Variants in ZFYVE28 observed in about 807,000 individuals in gnomAD.
The protein encoded by ZFYVE28 is zinc finger FYVE-type containing 28.
ZFYVE28 carries 40 observed loss-of-function variants against 82.1 expected under a neutral mutation model. The ratio of observed to expected loss-of-function variants is 0.49; its 90% CI spans 0.38 to 0.63. The LOEUF (loss-of-function observed/expected upper bound fraction) is 0.63, where lower values mean the gene tolerates loss of function less well. Ranked by LOEUF, ZFYVE28 falls within the 30% of genes least tolerant of loss-of-function variation. The probability of loss-of-function intolerance (pLI) is 0.00; values close to 1 mark genes in which losing one functional copy is unlikely to be tolerated. For synonymous variants in ZFYVE28, 612 were observed against 546.1 expected, an observed-to-expected ratio of 1.12 and a Z score of -1.68; for missense variants, 1,321 against 1,242.1, an observed-to-expected ratio of 1.06 and a Z score of -0.96.
intron 8 of ZFYVE28, among the ~76,000 whole-genome samples, chr4:2,276,134 G>T (rs952398582): frequency 3.8e-4 from 58 of 152,216 alleles, no homozygotes; most frequent in Middle Eastern, 6.8e-3. Flanking sequence ...AGGGCAGCGG[G>T]CTGCGGCAGA....
At chr4:2,366,631 A>G (rs148897566) in intron 1 of ZFYVE28, among the ~76,000 whole-genome samples, 6 of 152,254 alleles carry the variant, frequency 3.9e-5, no homozygotes, top group Admixed American at 1.3e-4. Flanking sequence ...CTCCAATGGC[A>G]GAGGGTAGAG....
At chr4:2,326,884 C>T (rs984961350) in intron 6 of ZFYVE28, among the ~76,000 whole-genome samples, 1 of 151,904 alleles carries the variant, frequency 6.6e-6, no homozygotes, top group African/African-American at 2.4e-5. Context: ...GATTTTGTGT[C>T]CTGGAACTTT....
chr4:2,355,003 C>A (rs1725024747), intron 1 of ZFYVE28, among the ~76,000 whole-genome samples: 1 of 151,054 alleles, frequency 6.6e-6, no homozygotes, highest in Non-Finnish European at 1.5e-5. Flanking sequence ...CGCAGGGGCT[C>A]AGAAGCTGGT....
chr4:2,399,854 T>G (rs891615859), intron 1 of ZFYVE28, among the ~76,000 whole-genome samples: 2 of 152,150 alleles, frequency 1.3e-5, no homozygotes, highest in Non-Finnish European at 2.9e-5. Flanking sequence ...GTGGGCCACA[T>G]GGGGTTGCAT....
intron 1 of ZFYVE28, among the ~76,000 whole-genome samples, chr4:2,360,389 T>TCACACACACACACACACACA (rs10545681): frequency 7.0e-6 from 1 of 143,290 alleles, no homozygotes; most frequent in Non-Finnish European, 1.5e-5. Flanking sequence ...AGAGCTGTAA[T>TCACACACACACACACACACA]CACACACACA....
intron 10 of ZFYVE28, among the ~76,000 whole-genome samples, chr4:2,272,552 G>A (rs1380919389): frequency 6.6e-6 from 1 of 152,242 alleles, no homozygotes; most frequent in East Asian, 1.9e-4. Context: ...GTATGCGTGA[G>A]TACATGTGTG....
intron 6 of ZFYVE28, among the ~76,000 whole-genome samples, chr4:2,328,169 A>C (rs1221375358): frequency 6.6e-6 from 1 of 152,234 alleles, no homozygotes; most frequent in Non-Finnish European, 1.5e-5. Flanking sequence ...AGCGTTTAAC[A>C]GATGAATAAA....
chr4:2,404,092 G>A lies in ZFYVE28; in HGVS notation c.39+14193C>T, dbSNP rs548681215. On this transcript the variant is annotated intron_variant, in intron 1 of 12. Transcript: ENST00000290974. ...TCCCAGCACATTGGGAGGCTGAGAC[G>A]GGCGGATCACGAGGTCAGGAGATCG... Among the ~76,000 whole-genome samples, 14 of 151,992 alleles carry A rather than the reference G, an allele frequency of 9.2e-5. No homozygotes were observed. The East Asian group carries it at 1.9e-3, about 21-fold the overall frequency.
At chr4:2,314,407 A>T (rs956456657) in intron 7 of ZFYVE28, among the ~76,000 whole-genome samples, 3 of 152,102 alleles carry the variant, frequency 2.0e-5, no homozygotes, top group African/African-American at 7.2e-5. Flanking sequence ...GTAATCACTG[A>T]TGTGGTTGGG....
intron 8 of ZFYVE28, among the ~76,000 whole-genome samples, chr4:2,293,960 C>G (rs1372171608): frequency 6.6e-6 from 1 of 151,870 alleles, no homozygotes; most frequent in African/African-American, 2.4e-5. Flanking sequence ...AAATTAAAGG[C>G]CTAAATAAAT....
At position 2,270,357 on chromosome 4, in the gene ZFYVE28, G is replaced by A. The variant is rs1434954373; in HGVS notation, c.*368C>T. 3 of 137,930 alleles carry A rather than the reference G, an allele frequency of 2.2e-5. No individual in the cohort carries two copies. Among genetic ancestry groups the A allele is most frequent in the East Asian group, 1.3e-4 (1 of 7,644 alleles). 8.5% of individuals were successfully genotyped at this position (137,930 alleles called of 1,614,324 possible). On this transcript the variant is annotated 3_prime_UTR_variant, in exon 13 of 13. Transcript: ENST00000290974. The stretch of plus-strand genomic sequence containing the variant: ...CCAGATTCACCGCAACAGCAGAGGC[G>A]CAGAGTGGCCCCACTCTTGTCCACC...
intron 7 of ZFYVE28, among the ~76,000 whole-genome samples, chr4:2,308,387 C>A (rs1716896627): frequency 6.6e-6 from 1 of 151,730 alleles, no homozygotes; most frequent in Non-Finnish European, 1.5e-5. Context: ...TGGAAACTAC[C>A]CAAAGCCCAT....
rs150674026 is a variant in ZFYVE28, at chr4:2,304,638, C to T, written c.1702G>A (p.Gly568Arg). 6 of 1,612,484 alleles carry T rather than the reference C, an allele frequency of 3.7e-6. No individual in the cohort carries two copies. Among genetic ancestry groups the T allele is most frequent in the South Asian group, 2.2e-5 (2 of 91,068 alleles). Residue 568 changes from glycine to arginine, a missense_variant, in exon 8 of 13, where the codon GGG becomes AGG. Transcript: ENST00000290974. ...NCLLHSCVCC[G>R]SCGDSREDVV... ...TCCTCCCTGCTGTCCCCGCAGCTCC[C>T]ACAGCACACGCAGGAATGCAGAAGG...
At chr4:2,308,324 T>C (rs1045199340) in intron 7 of ZFYVE28, among the ~76,000 whole-genome samples, 1 of 151,934 alleles carries the variant, frequency 6.6e-6, no homozygotes, top group Non-Finnish European at 1.5e-5. Context: ...CAGAAAAGCA[T>C]ACATATGTTC....
rs540923269 is a variant in ZFYVE28 at position 2,350,537 on chromosome 4, T to TA, written c.180+3395dup. Among the ~76,000 whole-genome samples the TA allele has an allele frequency of 2.6e-5, 4 of 152,160 alleles. No homozygotes were observed. The East Asian group carries it at 7.7e-4, about 29-fold the overall frequency. Reference sequence around the variant, plus strand: ...TTGGTCATCTTCCCATTTCCTGACATACAGCTCCTAAAAAGCCTTGGACTC... The same window carrying TA: ...TTGGTCATCTTCCCATTTCCTGACATAACAGCTCCTAAAAAGCCTTGGACTC... On this transcript the variant is annotated intron_variant, in intron 2 of 12. Transcript: ENST00000290974.
At chr4:2,315,836 T>C (rs563395582) in intron 7 of ZFYVE28, among the ~76,000 whole-genome samples, 33 of 152,350 alleles carry the variant, frequency 2.2e-4, no homozygotes, top group Admixed American at 2.1e-3. Flanking sequence ...GGGAAATGTT[T>C]AGCCATGACT....
At chr4:2,308,504 A>AAGGG (rs1318096232) in intron 7 of ZFYVE28, among the ~76,000 whole-genome samples, 7 of 113,730 alleles carry the variant, frequency 6.2e-5, no homozygotes, top group Admixed American at 1.1e-4. Flanking sequence ...GGAAGGAAGG[A>AAGGG]AGGGAGGGAG....
chr4:2,334,122 A>G (rs953614975), intron 6 of ZFYVE28, among the ~76,000 whole-genome samples: 7 of 151,974 alleles, frequency 4.6e-5, no homozygotes, highest in Non-Finnish European at 7.4e-5. Flanking sequence ...TGTGAGGCTC[A>G]CTCTCTCTGG....
intron 2 of ZFYVE28, among the ~76,000 whole-genome samples, chr4:2,353,176 G>T (rs995560468): frequency 6.6e-6 from 1 of 152,234 alleles, no homozygotes; most frequent in Non-Finnish European, 1.5e-5. Context: ...TAATGCTGCT[G>T]AGTTCCCACC....
Sources: gnomAD v4.1 joint callset for allele counts (sites outside exome capture counted in the v4.1 genomes callset) on GRCh38, gnomAD v4.1.1 for gene constraint, MANE v1.5 for transcripts, NCBI Gene and HGNC (gene_info 2026-07-23, HGNC 2026-07-21) for gene names.